The following TRPM3 variants were observed in gnomAD, a reference collection of about 807,000 sequenced individuals.
The protein encoded by TRPM3 is transient receptor potential cation channel subfamily M member 3, also known as long transient receptor potential channel 3.
Under a neutral mutation model 181.2 loss-of-function variants are expected in TRPM3, and 77 were observed. The ratio of observed to expected loss-of-function variants is 0.42; its 90% CI spans 0.35 to 0.51. The LOEUF (loss-of-function observed/expected upper bound fraction) is 0.51. Among genes scored for constraint, TRPM3 ranks in the 20% least tolerant of loss-of-function variants. The pLI, the probability that TRPM3 is intolerant of heterozygous loss-of-function variation, is 0.01. For synonymous variants in TRPM3, 745 were observed against 796.4 expected (o/e 0.94, Z 1.09); for missense variants, 1,759 against 2,196.7 (o/e 0.80, Z 3.98).
intron 1 of TRPM3, among the ~76,000 whole-genome samples, chr9:70,902,062 T>G (rs2096394842): frequency 6.6e-6 from 1 of 152,204 alleles, no homozygotes; most frequent in African/African-American, 2.4e-5. Context: ...ACATAGAATG[T>G]GAGGGTCAAC....
chr9:70,653,697 A>AAC (rs2059904155), intron 9 of TRPM3, among the ~76,000 whole-genome samples: 2 of 146,612 alleles, frequency 1.4e-5, no homozygotes, highest in African/African-American at 2.5e-5. Flanking sequence ...AAAAAAAAAA[A>AAC]AAACAAACCA....
intron 1 of TRPM3, among the ~76,000 whole-genome samples, chr9:71,210,560 T>C (rs1197620737): frequency 6.6e-6 from 1 of 152,138 alleles, no homozygotes; most frequent in African/African-American, 2.4e-5. Context: ...CCTTCCTTAC[T>C]TCCAAGAGGC....
intron 1 of TRPM3, among the ~76,000 whole-genome samples, chr9:71,311,872 T>A (rs543177366): frequency 6.6e-6 from 1 of 152,072 alleles, no homozygotes; most frequent in African/African-American, 2.4e-5. Flanking sequence ...TAAGAAAGTT[T>A]ACTAATTTTT....
At chr9:70,638,992 T>TG in intron 11 of TRPM3, 68 bp downstream of exon 11, 3 of 1,550,030 alleles carry the variant, frequency 1.9e-6, no homozygotes, top group African/African-American at 2.7e-5. Flanking sequence ...CACAGGCATA[T>TG]GGGGGGCAGG....
At chr9:71,235,352 T>A (rs921014166) in intron 1 of TRPM3, among the ~76,000 whole-genome samples, 1 of 152,234 alleles carries the variant, frequency 6.6e-6, no homozygotes, top group Non-Finnish European at 1.5e-5. Flanking sequence ...TATTTGAAAC[T>A]GTATTATGCA....
intron 6 of TRPM3, among the ~76,000 whole-genome samples, chr9:70,820,078 G>A (rs560819): frequency 0.98 from 148,768 of 152,274 alleles, 72,791 homozygotes; most frequent in Middle Eastern, 1. Flanking sequence ...AAAAATCCTA[G>A]TGCCATTTAT....
chr9:71,397,957 A>G (rs559737667), intron 1 of TRPM3, among the ~76,000 whole-genome samples: 4 of 152,280 alleles, frequency 2.6e-5, no homozygotes, highest in Non-Finnish European at 5.9e-5. Flanking sequence ...TGGATTGTCA[A>G]CTGTAACAAC....
intron 1 of TRPM3, among the ~76,000 whole-genome samples, chr9:71,080,171 A>AAAATAAATAAATAAATAAATAAAT (rs71367253): frequency 8.3e-5 from 11 of 133,196 alleles, no homozygotes; most frequent in African/African-American, 1.7e-4. Flanking sequence ...ACTCCATCTC[A>AAAATAAATAAATAAATAAATAAAT]AAATAAATAA....
chr9:71,097,351 A>G (rs2067491710), intron 1 of TRPM3, among the ~76,000 whole-genome samples: 1 of 152,132 alleles, frequency 6.6e-6, no homozygotes, highest in East Asian at 1.9e-4. Context: ...ATGTATATAT[A>G]CACATGTACA....
intron 1 of TRPM3, among the ~76,000 whole-genome samples, chr9:71,285,062 A>G (rs111526348): frequency 0.011 from 1,626 of 152,378 alleles, 25 homozygotes; most frequent in East Asian, 0.074. Context: ...CAAATTTACC[A>G]TGAAATTCAT....
chr9:71,211,449 C>T (rs1446443461), intron 1 of TRPM3, among the ~76,000 whole-genome samples: 1 of 151,628 alleles, frequency 6.6e-6, no homozygotes, highest in Admixed American at 6.6e-5. Context: ...TTTCAGTGTC[C>T]CATATATTCG....
intron 7 of TRPM3, among the ~76,000 whole-genome samples, chr9:70,777,764 T>G (rs1437462208): frequency 6.6e-6 from 1 of 152,150 alleles, no homozygotes; most frequent in Non-Finnish European, 1.5e-5. Context: ...TTATACTACT[T>G]TTCATAGCAC....
chr9:71,336,642 C>A (rs1005661572), intron 1 of TRPM3, among the ~76,000 whole-genome samples: 1 of 152,072 alleles, frequency 6.6e-6, no homozygotes, highest in Non-Finnish European at 1.5e-5. Flanking sequence ...CCTGCATAAC[C>A]AAGAAAATCC....
At chr9:71,387,175 A>G (rs2092944882) in intron 1 of TRPM3, among the ~76,000 whole-genome samples, 1 of 152,214 alleles carries the variant, frequency 6.6e-6, no homozygotes, top group African/African-American at 2.4e-5. Flanking sequence ...TAAAAGGGCA[A>G]TGGTTTCCTA....
chr9:70,608,286 T>TTTC (rs1220407755), intron 19 of TRPM3, among the ~76,000 whole-genome samples: 1 of 152,268 alleles, frequency 6.6e-6, no homozygotes, highest in Non-Finnish European at 1.5e-5. Flanking sequence ...GGCTCAAGTT[T>TTTC]TTCTTTTAAC....
intron 1 of TRPM3, among the ~76,000 whole-genome samples, chr9:71,132,569 C>T (rs778260216): frequency 4.6e-5 from 7 of 152,002 alleles, no homozygotes; most frequent in African/African-American, 1.7e-4. Context: ...TATAGAATTG[C>T]TGGAATTCAC....
At chr9:71,176,583 T>C (rs1362622070) in intron 1 of TRPM3, among the ~76,000 whole-genome samples, 1 of 152,050 alleles carries the variant, frequency 6.6e-6, no homozygotes, top group Non-Finnish European at 1.5e-5. Flanking sequence ...AAATAAAATT[T>C]TATAAATTTA....
upstream of TRPM3, among the ~76,000 whole-genome samples, chr9:71,126,274 GT>G (rs1432475636): frequency 3.3e-5 from 5 of 152,204 alleles, no homozygotes; most frequent in African/African-American, 4.8e-5. Flanking sequence ...CTTTTACACT[GT>G]TGGTGGGAAT....
chr9:71,239,758 G>A (rs1364529016), intron 1 of TRPM3, among the ~76,000 whole-genome samples: 1 of 151,986 alleles, frequency 6.6e-6, no homozygotes, highest in Non-Finnish European at 1.5e-5. Context: ...TATTAAATGG[G>A]CTTTCTTTTT....
Sources: allele counts gnomAD v4.1 joint callset (sites outside exome capture counted in the v4.1 genomes callset), GRCh38; gene constraint gnomAD v4.1.1; transcripts MANE v1.5; gene names NCBI Gene and HGNC (gene_info 2026-07-23, HGNC 2026-07-21).